Variants in PRKCA observed in about 807,000 individuals in gnomAD.
PRKCA encodes the protein protein kinase C alpha.
Under a neutral mutation model 87.0 loss-of-function variants are expected in PRKCA, and 27 were observed. That is an observed-to-expected ratio of 0.31 (90% CI 0.23 to 0.43). The LOEUF (loss-of-function observed/expected upper bound fraction) is 0.43, where lower values mean the gene tolerates loss of function less well. PRKCA is among the 20% of genes least tolerant of loss of function. The pLI is 1.00. For synonymous variants in PRKCA, 329 were observed against 311.1 expected (o/e 1.06, Z -0.61); for missense variants, 518 against 852.3 (o/e 0.61, Z 4.88).
intron 2 of PRKCA, among the ~76,000 whole-genome samples, chr17:66,313,631 A>T (rs1905176144): frequency 6.6e-6 from 1 of 152,232 alleles, no homozygotes; most frequent in Non-Finnish European, 1.5e-5. Flanking sequence ...CTTGTTTGGT[A>T]CAGTTATTTA....
chr17:66,548,624 C>T (rs1968223385), intron 3 of PRKCA, among the ~76,000 whole-genome samples: 1 of 151,874 alleles, frequency 6.6e-6, no homozygotes, highest in African/African-American at 2.4e-5. Context: ...GTAAATATTG[C>T]CTTATTTGGA....
intron 2 of PRKCA, among the ~76,000 whole-genome samples, chr17:66,379,737 C>CT (rs1181557687): frequency 2.6e-5 from 4 of 152,082 alleles, no homozygotes; most frequent in Non-Finnish European, 4.4e-5. Context: ...TCCAGTTTGT[C>CT]TTTTTTTGGG....
intron 1 of PRKCA, among the ~76,000 whole-genome samples, chr17:66,303,466 C>G (rs12452698): frequency 1.3e-5 from 2 of 150,500 alleles, no homozygotes; most frequent in Non-Finnish European, 3.0e-5. Flanking sequence ...TGCGCGCGGT[C>G]CAAGTTGCTG....
chr17:66,699,959 G>T (rs1201883369), intron 8 of PRKCA, among the ~76,000 whole-genome samples: 1 of 152,234 alleles, frequency 6.6e-6, no homozygotes, highest in Non-Finnish European at 1.5e-5. Context: ...TTCATTTTAT[G>T]GGGCCAGCAT....
intron 2 of PRKCA, among the ~76,000 whole-genome samples, chr17:66,348,164 A>G (rs1184031710): frequency 6.6e-6 from 1 of 151,192 alleles, no homozygotes; most frequent in Non-Finnish European, 1.5e-5. Flanking sequence ...CTGGTCTCCA[A>G]CTCCTGGCCT....
intron 5 of PRKCA, among the ~76,000 whole-genome samples, chr17:66,649,391 T>G (rs1362382605): frequency 6.6e-6 from 1 of 152,258 alleles, no homozygotes; most frequent in East Asian, 1.9e-4. Context: ...ATATTTATTG[T>G]TCATAGGACT....
intron 3 of PRKCA, among the ~76,000 whole-genome samples, chr17:66,592,348 A>G (rs1028376698): frequency 2.0e-5 from 3 of 151,428 alleles, no homozygotes; most frequent in Non-Finnish European, 4.4e-5. Context: ...CGTCTCAAAA[A>G]AAAAAAAAAA....
At chr17:66,395,359 A>G (rs991236582) in intron 2 of PRKCA, among the ~76,000 whole-genome samples, 3 of 152,226 alleles carry the variant, frequency 2.0e-5, no homozygotes, top group African/African-American at 7.2e-5. Flanking sequence ...GTAACTTATA[A>G]CCGGTATGTT....
At chr17:66,362,926 T>G (rs1908482074) in intron 2 of PRKCA, among the ~76,000 whole-genome samples, 1 of 152,170 alleles carries the variant, frequency 6.6e-6, no homozygotes, top group Non-Finnish European at 1.5e-5. Flanking sequence ...ACTCCTGGCC[T>G]CAGGGGATCC....
At chr17:66,556,785 T>C (rs1037586856) in intron 3 of PRKCA, among the ~76,000 whole-genome samples, 1 of 152,222 alleles carries the variant, frequency 6.6e-6, no homozygotes, top group Non-Finnish European at 1.5e-5. Context: ...CCTTCCACCA[T>C]GATTTTAAGT....
At chr17:66,436,190 T>C (rs1913384503) in intron 2 of PRKCA, among the ~76,000 whole-genome samples, 3 of 152,158 alleles carry the variant, frequency 2.0e-5, no homozygotes. Flanking sequence ...AGAGGTTGGA[T>C]GGCATTGATG....
rs1976076041 is a variant in PRKCA at position 66,808,176 on chromosome 17, G to T, written c.*4139G>T. On this transcript the variant is annotated 3_prime_UTR_variant, in exon 17 of 17. Coordinates refer to ENST00000413366, the MANE Select transcript of PRKCA (RefSeq NM_002737.3). Reference sequence around the variant, plus strand: ...AGGTTCCTGCCCATTTTCCTCTCTGGCTTCCTGCCAAGAATTATGGCAGCT... The same window carrying T: ...AGGTTCCTGCCCATTTTCCTCTCTGTCTTCCTGCCAAGAATTATGGCAGCT... 1 of 152,122 alleles carries T rather than the reference G, an allele frequency of 6.6e-6. No homozygotes were observed. The highest frequency in any genetic ancestry group is 2.4e-5 in the African/African-American group (1 of 41,416). The allele number at this position is 152,122 out of a possible 1,614,324, so 9.4% of individuals were successfully genotyped here.
chr17:66,682,721 G>T (rs1972524737), intron 5 of PRKCA, among the ~76,000 whole-genome samples: 1 of 152,174 alleles, frequency 6.6e-6, no homozygotes, highest in Non-Finnish European at 1.5e-5. Context: ...TGTTGTTGTT[G>T]TTGTTGTTTC....
intron 2 of PRKCA, among the ~76,000 whole-genome samples, chr17:66,377,677 TTATA>T (rs1173333953): frequency 7.0e-6 from 1 of 143,884 alleles, no homozygotes; most frequent in African/African-American, 2.5e-5. Flanking sequence ...AAAATGTCTA[TTATA>T]TATATATAAA....
chr17:66,418,917 A>ATTT (rs1567819161), intron 2 of PRKCA, among the ~76,000 whole-genome samples: 1 of 143,150 alleles, frequency 7.0e-6, no homozygotes, highest in African/African-American at 2.5e-5. Flanking sequence ...ACGCCCGGCT[A>ATTT]ATTTTTTTTT....
chr17:66,762,921 G>A (rs1325155943), intron 13 of PRKCA, among the ~76,000 whole-genome samples: 1 of 152,176 alleles, frequency 6.6e-6, no homozygotes, highest in Non-Finnish European at 1.5e-5. Context: ...CTCCCAAGTA[G>A]CTGGAATCAC....
chr17:66,399,655 T>C (rs78584531), intron 2 of PRKCA, among the ~76,000 whole-genome samples: 6,776 of 152,272 alleles, frequency 0.044, 221 homozygotes, highest in Admixed American at 0.078. Flanking sequence ...TATTCTACTT[T>C]GTTTCTATGA....
At chr17:66,639,211 G>C (rs1265648423) in intron 3 of PRKCA, 1 of 152,218 alleles carries the variant, frequency 6.6e-6, no homozygotes, top group East Asian at 1.9e-4. Flanking sequence ...ATAGGAATGA[G>C]TCCTGATAGG....
intron 3 of PRKCA, among the ~76,000 whole-genome samples, chr17:66,528,533 C>T (rs1406279566): frequency 3.3e-5 from 5 of 152,052 alleles, no homozygotes; most frequent in Admixed American, 6.6e-5. Context: ...GGGAGGGTTG[C>T]CCTTCAAACA....
Sources: allele counts gnomAD v4.1 joint callset (sites outside exome capture counted in the v4.1 genomes callset), GRCh38; gene constraint gnomAD v4.1.1; transcripts MANE v1.5; gene names NCBI Gene and HGNC (gene_info 2026-07-23, HGNC 2026-07-21).